The following CSMD1 variants were observed in gnomAD, a reference collection of about 807,000 sequenced individuals.
The protein encoded by CSMD1 is CUB and sushi domain-containing protein 1.
CSMD1 carries 213 observed loss-of-function variants against 417.5 expected under a neutral mutation model. The observed-to-expected ratio is 0.51, with a 90% CI of 0.46 to 0.57. The LOEUF (loss-of-function observed/expected upper bound fraction) is 0.57. Among genes scored for constraint, CSMD1 ranks in the 20% least tolerant of loss-of-function variants. CSMD1 has a pLI of 0.00. For synonymous variants in CSMD1, 2,862 were observed against 1,736.8 expected (o/e 1.65, Z -16.11); for missense variants, 6,923 against 4,529.7 (o/e 1.53, Z -15.17).
chr8:3,971,442 T>G (rs1563268935), intron 5 of CSMD1, among the ~76,000 whole-genome samples: 1 of 152,184 alleles, frequency 6.6e-6, no homozygotes, highest in East Asian at 1.9e-4. Flanking sequence ...TCTATAAGCT[T>G]TGGGATTCGA....
chr8:3,876,464 A>C (rs1397460675), intron 5 of CSMD1, among the ~76,000 whole-genome samples: 1 of 152,188 alleles, frequency 6.6e-6, no homozygotes, highest in Admixed American at 6.5e-5. Context: ...CTCTTGTTGG[A>C]GAGTCCTAAC....
intron 7 of CSMD1, among the ~76,000 whole-genome samples, chr8:3,629,053 A>G (rs9644346): frequency 0.56 from 84,965 of 151,960 alleles, 24,154 homozygotes; most frequent in Middle Eastern, 0.68. Context: ...AGCCTTGGGG[A>G]ACAGACAGTT....
chr8:3,376,335 G>A (rs1382519253), intron 18 of CSMD1, among the ~76,000 whole-genome samples: 1 of 151,996 alleles, frequency 6.6e-6, no homozygotes, highest in African/African-American at 2.4e-5. Context: ...CAACAAATTT[G>A]TCTGAAAACA....
intron 23 of CSMD1, 56 bp downstream of exon 23, chr8:3,343,238 T>C (rs780409865): frequency 6.4e-5 from 92 of 1,445,106 alleles, no homozygotes; most frequent in Non-Finnish European, 8.4e-5. Context: ...AAGCCAAGTA[T>C]CAGATATGTC....
intron 2 of CSMD1, among the ~76,000 whole-genome samples, chr8:4,576,374 C>T (rs1461979802): frequency 6.6e-6 from 1 of 152,228 alleles, no homozygotes; most frequent in East Asian, 1.9e-4. Flanking sequence ...AGGCATTTGG[C>T]CAAGACCTTC....
intron 12 of CSMD1, among the ~76,000 whole-genome samples, chr8:3,460,320 G>A (rs763982922): frequency 1.3e-5 from 2 of 152,190 alleles, no homozygotes; most frequent in Non-Finnish European, 2.9e-5. Context: ...TTGAAGATCA[G>A]GAAGTTCCAT....
intron 1 of CSMD1, among the ~76,000 whole-genome samples, chr8:4,709,115 T>C (rs1240135435): frequency 6.6e-6 from 1 of 152,192 alleles, no homozygotes; most frequent in Non-Finnish European, 1.5e-5. Context: ...TTGGAAAAAA[T>C]GTCTTACTCT....
rs566016297 is a variant in CSMD1 at position 4,906,274 on chromosome 8, TAACAA to T, written c.85+88053_85+88057del. 1.3e-3 allele frequency among the ~76,000 whole-genome samples: 193 copies of T among 152,346 alleles called. 1 individual carries two copies. Among genetic ancestry groups the T allele is most frequent in the African/African-American group, 4.4e-3 (183 of 41,584 alleles). ...CCTGAACTCTTTTCCAAGTAAATATTAACAAAACAAATACATTATTCAGTTAACAC... is the reference window on the plus strand; with the variant it reads ...CCTGAACTCTTTTCCAAGTAAATATTAACAAATACATTATTCAGTTAACAC... On this transcript the variant is annotated intron_variant, in intron 1 of 69. Coordinates refer to ENST00000635120, the MANE Select transcript of CSMD1 (RefSeq NM_033225.6).
chr8:3,243,063 G>A (rs1216947340), intron 26 of CSMD1, among the ~76,000 whole-genome samples: 1 of 152,112 alleles, frequency 6.6e-6, no homozygotes. Context: ...AAAATGAAAG[G>A]AATTGAAATT....
Position 4,168,626 on chromosome 8 carries a change from C to G in CSMD1, c.416-136527G>C, listed in dbSNP as rs1390718710. On this transcript the variant is annotated intron_variant, in intron 3 of 69. Transcript: ENST00000635120. Reference sequence around the variant, plus strand: ...ACCAACATGTGTGCAAGATGAACATCTTAGATCATCATGTTTTCTACTCTG... The same window carrying G: ...ACCAACATGTGTGCAAGATGAACATGTTAGATCATCATGTTTTCTACTCTG... Among the ~76,000 whole-genome samples, 2 of 151,990 alleles carry G rather than the reference C, an allele frequency of 1.3e-5. 1 individual carries two copies. The highest frequency in any genetic ancestry group is 1.3e-4 in the Admixed American group (2 of 15,264).
intron 1 of CSMD1, among the ~76,000 whole-genome samples, chr8:4,802,312 G>A (rs1250598384): frequency 2.0e-5 from 3 of 151,906 alleles, no homozygotes; most frequent in Admixed American, 6.6e-5. Flanking sequence ...ACCTATGACT[G>A]GTCCTCCAAC....
At chr8:4,431,499 G>C (rs11994763) in intron 2 of CSMD1, among the ~76,000 whole-genome samples, 29,200 of 151,836 alleles carry the variant, frequency 0.19, 2,915 homozygotes, top group East Asian at 0.26. Flanking sequence ...ACCAAGTAGA[G>C]ACCAATTGCT....
intron 25 of CSMD1, among the ~76,000 whole-genome samples, chr8:3,298,316 C>G (rs1804122930): frequency 6.6e-6 from 1 of 152,212 alleles, no homozygotes; most frequent in Admixed American, 6.5e-5. Flanking sequence ...GCATTAACTC[C>G]AAACTGCATC....
At chr8:2,972,608 T>A (rs1411551788) in intron 57 of CSMD1, among the ~76,000 whole-genome samples, 1 of 152,154 alleles carries the variant, frequency 6.6e-6, no homozygotes, top group Admixed American at 6.5e-5. Context: ...CTACGATGCC[T>A]CTCAAACATT....
chr8:3,567,996 C>T (rs1472155766), intron 10 of CSMD1, among the ~76,000 whole-genome samples: 1 of 152,152 alleles, frequency 6.6e-6, no homozygotes, highest in Non-Finnish European at 1.5e-5. Flanking sequence ...GGGAATTCAT[C>T]TGATGCCTTA....
chr8:3,835,270 T>A (rs1802614703), intron 5 of CSMD1, among the ~76,000 whole-genome samples: 1 of 151,958 alleles, frequency 6.6e-6, no homozygotes, highest in South Asian at 2.1e-4. Context: ...CATGCACACA[T>A]ATGTTTACTG....
chr8:3,909,624 T>C (rs1039202609), intron 5 of CSMD1, among the ~76,000 whole-genome samples: 6 of 152,084 alleles, frequency 3.9e-5, no homozygotes. Flanking sequence ...GCTCAGGAGC[T>C]TGTTTGTGCT....
At chr8:3,483,478 G>A (rs993477083) in intron 11 of CSMD1, among the ~76,000 whole-genome samples, 6 of 151,836 alleles carry the variant, frequency 4.0e-5, no homozygotes, top group Non-Finnish European at 8.8e-5. Flanking sequence ...AGAAATTAAT[G>A]GTATAACATG....
At chr8:4,834,542 A>G (rs1434582303) in intron 1 of CSMD1, among the ~76,000 whole-genome samples, 2 of 152,230 alleles carry the variant, frequency 1.3e-5, no homozygotes, top group East Asian at 1.9e-4. Flanking sequence ...AGCTTTCTGA[A>G]AACAACCAAT....
Sources: gnomAD v4.1 joint callset for allele counts (sites outside exome capture counted in the v4.1 genomes callset) on GRCh38, gnomAD v4.1.1 for gene constraint, MANE v1.5 for transcripts, NCBI Gene and HGNC (gene_info 2026-07-23, HGNC 2026-07-21) for gene names.